The following RFFL variants were observed in gnomAD, a reference collection of about 807,000 sequenced individuals.
RFFL encodes ring finger and FYVE like domain containing E3 ubiquitin protein ligase, also known as E3 ubiquitin-protein ligase rififylin.
In RFFL, 16 loss-of-function variants were observed where a neutral mutation model predicts 40.4. That is an observed-to-expected ratio of 0.40 (90% CI 0.27 to 0.60). The LOEUF is 0.60. Among genes scored for constraint, RFFL ranks in the 20% least tolerant of loss-of-function variants. The pLI, the probability that RFFL is intolerant of heterozygous loss-of-function variation, is 0.47. For synonymous variants in RFFL, 154 were observed against 167.9 expected, an observed-to-expected ratio of 0.92 and a Z score of 0.64; for missense variants, 367 against 451.7, an observed-to-expected ratio of 0.81 and a Z score of 1.70.
chr17:35,065,737 C>T (rs1468103744), upstream of RFFL, among the ~76,000 whole-genome samples: 2 of 152,124 alleles, frequency 1.3e-5, no homozygotes, highest in Non-Finnish European at 2.9e-5. Flanking sequence ...CTCTTTGGGA[C>T]TCTGATACAG....
chr17:35,016,299 T>C, intron 5 of RFFL, 71 bp downstream of exon 5: 1 of 1,378,758 alleles, frequency 7.3e-7, no homozygotes, highest in Admixed American at 1.7e-5. Context: ...GTCAGGTCAA[T>C]ACCATCATGC....
intron 1 of RFFL, 100 bp from the exon 2 acceptor site, chr17:35,026,661 C>G: frequency 1.2e-6 from 1 of 869,272 alleles, no homozygotes. Context: ...ACTCAATGCA[C>G]GCATGCCACC....
chr17:35,076,706 T>TAAC (rs1192244252), intron 1 of RFFL: 4 of 147,558 alleles, frequency 2.7e-5, no homozygotes, highest in Non-Finnish European at 6.0e-5. Context: ...ATAATAATAA[T>TAAC]AATAATAATA....
intron 1 of RFFL, among the ~76,000 whole-genome samples, chr17:35,069,909 G>T (rs1301016823): frequency 6.6e-6 from 1 of 151,802 alleles, no homozygotes; most frequent in African/African-American, 2.4e-5. Context: ...GGTCCTAAAT[G>T]CTTTAAAAAA....
chr17:35,013,178 C>A (rs540482097), intron 6 of RFFL, among the ~76,000 whole-genome samples: 1 of 152,380 alleles, frequency 6.6e-6, no homozygotes, highest in East Asian at 1.9e-4. Context: ...CCCAAGGGCA[C>A]AAAGCTGCTA....
chr17:35,036,111 A>G (rs1414000443), intron 1 of RFFL, among the ~76,000 whole-genome samples: 3 of 152,238 alleles, frequency 2.0e-5, no homozygotes, highest in African/African-American at 7.2e-5. Flanking sequence ...AACTACGTTC[A>G]GGGTTATTTC....
At chr17:35,076,820 A>T (rs113836682) in intron 1 of RFFL, 1 of 229,100 alleles carries the variant, frequency 4.4e-6, no homozygotes, top group Non-Finnish European at 8.9e-6. Flanking sequence ...ACCTGTGGCA[A>T]ATGTGGCTAT....
In RFFL at chr17:35,024,858, T is replaced by C. The variant is rs993136711; in HGVS notation, c.180+1516A>G. Among the ~76,000 whole-genome samples the C allele has an allele frequency of 7.2e-5, 11 of 152,202 alleles. 1 individual carries two copies. Among genetic ancestry groups the C allele is most frequent in the Non-Finnish European group, 1.5e-4 (10 of 68,032 alleles). On this transcript the variant is annotated intron_variant, in intron 2 of 6. Coordinates refer to ENST00000394597, the MANE Select transcript of RFFL (RefSeq NM_001017368.2). The stretch of plus-strand genomic sequence containing the variant: ...AAAATTCTCATAGATGAAAACACCC[T>C]TAATATTCACAAAATTCACTGTAAA...
At chr17:35,078,223 T>G (rs983489705) in intron 1 of RFFL, among the ~76,000 whole-genome samples, 14 of 152,146 alleles carry the variant, frequency 9.2e-5, no homozygotes, top group African/African-American at 3.1e-4. Context: ...GCAGTAAACA[T>G]ATAACCTTAC....
intron 1 of RFFL, among the ~76,000 whole-genome samples, chr17:35,047,772 T>G (rs2091208352): frequency 6.8e-6 from 1 of 148,034 alleles, no homozygotes. Flanking sequence ...TTTTTTTAAA[T>G]ACAGAGTCTC....
intron 1 of RFFL, among the ~76,000 whole-genome samples, chr17:35,026,985 G>C (rs906721154): frequency 6.6e-6 from 1 of 152,190 alleles, no homozygotes; most frequent in Non-Finnish European, 1.5e-5. Flanking sequence ...TAAGGCGTGA[G>C]CCATGGCGCT....
At chr17:35,043,871 TA>T (rs1257761660) in intron 1 of RFFL, among the ~76,000 whole-genome samples, 2 of 152,180 alleles carry the variant, frequency 1.3e-5, no homozygotes, top group African/African-American at 4.8e-5. Context: ...GTATAATACA[TA>T]GAAAAACCAT....
chr17:35,059,784 G>A (rs565192419), intron 1 of RFFL, among the ~76,000 whole-genome samples: 1 of 152,140 alleles, frequency 6.6e-6, no homozygotes. Context: ...TGATAATGAA[G>A]TTATCTCTTA....
rs5820098 is a variant in RFFL at position 35,044,876 on chromosome 17, A to ATT, written c.-8-18317_-8-18316dup. Among the ~76,000 whole-genome samples, 1,463 of 146,670 alleles carry ATT rather than the reference A, an allele frequency of 1.0e-2. 26 individuals carry two copies. Among genetic ancestry groups the ATT allele is most frequent in the African/African-American group, 0.031 (1,247 of 39,920 alleles). ...CTGATCCTGTCTGTGCTCTCATAAC[A>ATT]TTTTTTTTTTTTTGAGACAGGGTCT... On this transcript the variant is annotated intron_variant, in intron 1 of 6. Transcript: ENST00000394597.
intron 2 of RFFL, among the ~76,000 whole-genome samples, chr17:35,022,361 T>A (rs2091014188): frequency 6.6e-6 from 1 of 152,190 alleles, no homozygotes; most frequent in African/African-American, 2.4e-5. Flanking sequence ...AATCCTAAAC[T>A]GTAATTATTT....
At chr17:35,063,048 AC>A (rs1455298660) in intron 1 of RFFL, among the ~76,000 whole-genome samples, 4 of 152,358 alleles carry the variant, frequency 2.6e-5, no homozygotes, top group South Asian at 2.1e-4. Flanking sequence ...ACACAAAAAA[AC>A]AAAATACAAG....
chr17:35,017,432 T>C lies in RFFL; in HGVS notation c.675+91A>G. The C allele has an allele frequency of 4.8e-6, 4 of 825,210 alleles. No homozygotes were observed. The South Asian group carries it at 5.8e-5, about 12-fold the overall frequency. The allele number at this position is 825,210 out of a possible 1,614,324, so 51.1% of individuals were successfully genotyped here. On this transcript the variant is annotated intron_variant, in intron 4 of 6. Coordinates refer to ENST00000394597, the MANE Select transcript of RFFL (RefSeq NM_001017368.2). ...TTCGGAAGCACTATCATCACACATTTATTCTCTCTCCACTCGACTCTGCTA... is the reference window on the plus strand; with the variant it reads ...TTCGGAAGCACTATCATCACACATTCATTCTCTCTCCACTCGACTCTGCTA...
At position 35,011,716 on chromosome 17, in the gene RFFL, C is replaced by T; in HGVS notation, c.*252G>A. 2.1e-6 allele frequency: 1 copy of T among 476,138 alleles called. No homozygotes were observed. The highest frequency in any genetic ancestry group is 3.8e-6 in the Non-Finnish European group (1 of 261,786). 29.5% of individuals were successfully genotyped at this position (476,138 alleles called of 1,614,324 possible). On this transcript the variant is annotated 3_prime_UTR_variant, in exon 7 of 7. Transcript: ENST00000394597. Reference sequence around the variant, plus strand: ...CTCTGTTCATCAGTTACCATCATCACTCCAAGATCACTGAACCAAGAACAT... The same window carrying T: ...CTCTGTTCATCAGTTACCATCATCATTCCAAGATCACTGAACCAAGAACAT...
At chr17:35,038,607 A>G (rs1469962491) in intron 1 of RFFL, among the ~76,000 whole-genome samples, 1 of 152,238 alleles carries the variant, frequency 6.6e-6, no homozygotes, top group Non-Finnish European at 1.5e-5. Flanking sequence ...CAACTGATAC[A>G]TGCAATAGTA....
Sources: allele counts gnomAD v4.1 joint callset (sites outside exome capture counted in the v4.1 genomes callset), GRCh38; gene constraint gnomAD v4.1.1; transcripts MANE v1.5; gene names NCBI Gene and HGNC (gene_info 2026-07-23, HGNC 2026-07-21).